Variants in UBE2R2 observed in about 807,000 individuals in gnomAD.
The protein encoded by UBE2R2 is ubiquitin conjugating enzyme E2 R2.
Under a neutral mutation model 27.8 loss-of-function variants are expected in UBE2R2, and 1 was observed. The observed-to-expected ratio is 0.04, with a 90% CI of 0.01 to 0.17. UBE2R2 has a LOEUF of 0.17. Ranked by LOEUF, UBE2R2 falls within the 10% of genes least tolerant of loss-of-function variation. The pLI is 1.00. For missense variants in UBE2R2, 100 were observed against 291.0 expected, an observed-to-expected ratio of 0.34 and a Z score of 4.78; for synonymous variants, 106 against 113.3, an observed-to-expected ratio of 0.94 and a Z score of 0.41.
upstream of UBE2R2, among the ~76,000 whole-genome samples, chr9:33,817,048 G>C (rs991926697): frequency 4.6e-5 from 7 of 151,980 alleles, no homozygotes; most frequent in Non-Finnish European, 8.8e-5. Context: ...AGGCACGGTG[G>C]GGGGAGGGGA....
intron 1 of UBE2R2, among the ~76,000 whole-genome samples, chr9:33,867,719 C>G (rs920191245): frequency 6.6e-6 from 1 of 152,234 alleles, no homozygotes; most frequent in Non-Finnish European, 1.5e-5. Flanking sequence ...ACTGCAAGCT[C>G]TGCTTCCTGG....
intron 1 of UBE2R2, among the ~76,000 whole-genome samples, chr9:33,846,586 T>C (rs1214850152): frequency 6.6e-6 from 1 of 152,222 alleles, no homozygotes; most frequent in Non-Finnish European, 1.5e-5. Context: ...CAGCATTATG[T>C]GTGGCTCTCA....
intron 1 of UBE2R2, among the ~76,000 whole-genome samples, chr9:33,876,069 T>G (rs1821596446): frequency 6.6e-6 from 1 of 152,174 alleles, no homozygotes; most frequent in Non-Finnish European, 1.5e-5. Flanking sequence ...TATGTTTAAA[T>G]TTTTAATAAG....
rs1821917208 is a variant in UBE2R2 at position 33,888,675 on chromosome 9, C to T, written c.264+1708C>T. ...GGGACTACAGGTGTGCACGACCACA[C>T]CTGGCTAATTTTTGTATTTTTAGCA... On this transcript the variant is annotated intron_variant, in intron 2 of 4. Transcript: ENST00000263228. 2.0e-5 allele frequency among the ~76,000 whole-genome samples: 3 copies of T among 152,246 alleles called. No homozygotes were observed. The South Asian group carries it at 6.2e-4, about 32-fold the overall frequency.
chr9:33,910,959 C>T (rs961808777), intron 3 of UBE2R2, among the ~76,000 whole-genome samples: 5 of 152,048 alleles, frequency 3.3e-5, no homozygotes, highest in Admixed American at 1.3e-4. Flanking sequence ...AAAAATTAGC[C>T]AGGCGTGGTA....
At chr9:33,830,217 G>C (rs1339655889) in intron 1 of UBE2R2, among the ~76,000 whole-genome samples, 2 of 138,142 alleles carry the variant, frequency 1.4e-5, no homozygotes, top group East Asian at 4.3e-4. Flanking sequence ...GAGTGCAGTT[G>C]CGTGACCTCA....
chr9:33,899,969 A>AG (rs1423466409), intron 2 of UBE2R2, among the ~76,000 whole-genome samples: 1 of 152,228 alleles, frequency 6.6e-6, no homozygotes, highest in Middle Eastern at 3.2e-3. Flanking sequence ...TTCTCACTAG[A>AG]AAATATACCT....
At position 33,865,972 on chromosome 9, in the gene UBE2R2, C is replaced by T. The variant is rs148594561; in HGVS notation, c.178-20909C>T. On this transcript the variant is annotated intron_variant, in intron 1 of 4. Transcript: ENST00000263228. ...TCAGCCTCCTGAGTAGCTAGGATTACGGGTGCCCACCACCACACTCGGCTA... is the reference window on the plus strand; with the variant it reads ...TCAGCCTCCTGAGTAGCTAGGATTATGGGTGCCCACCACCACACTCGGCTA... Among the ~76,000 whole-genome samples, 88 of 151,730 alleles carry T rather than the reference C, an allele frequency of 5.8e-4. 1 individual carries two copies. Among genetic ancestry groups the T allele is most frequent in the African/African-American group, 1.9e-3 (78 of 41,372 alleles).
At chr9:33,816,459 A>G (rs1347886954), upstream of UBE2R2, among the ~76,000 whole-genome samples, 1 of 152,190 alleles carries the variant, frequency 6.6e-6, no homozygotes, top group East Asian at 1.9e-4. Context: ...CCCAAATCAC[A>G]ATGAGAAGGG....
At chr9:33,916,956 A>G (rs943340256) in intron 4 of UBE2R2, 62 bp from the exon 5 acceptor site, 50 of 1,587,750 alleles carry the variant, frequency 3.1e-5, no homozygotes, top group Non-Finnish European at 3.9e-5. Flanking sequence ...TTTAAGGCCA[A>G]TTATAAATCT....
At chr9:33,826,453 C>T (rs1587425085) in intron 1 of UBE2R2, among the ~76,000 whole-genome samples, 2 of 152,030 alleles carry the variant, frequency 1.3e-5, no homozygotes, top group Admixed American at 6.6e-5. Context: ...AACCCCAGCA[C>T]TTTGGGAGGC....
At chr9:33,893,571 G>C (rs1419978229) in intron 2 of UBE2R2, among the ~76,000 whole-genome samples, 1 of 152,096 alleles carries the variant, frequency 6.6e-6, no homozygotes, top group African/African-American at 2.4e-5. Flanking sequence ...CAGTTCTTTG[G>C]GTTACATACC....
chr9:33,897,495 T>G (rs1477325012), intron 2 of UBE2R2, among the ~76,000 whole-genome samples: 2 of 151,438 alleles, frequency 1.3e-5, no homozygotes, highest in Admixed American at 6.6e-5. Flanking sequence ...TTTTTGTATT[T>G]TTAGTAGAGA....
intron 1 of UBE2R2, among the ~76,000 whole-genome samples, chr9:33,833,984 T>G (rs1051356753): frequency 2.6e-5 from 4 of 152,224 alleles, no homozygotes; most frequent in Admixed American, 6.6e-5. Context: ...TTCATCCCTT[T>G]TAATGGCTGA....
chr9:33,907,124 T>C (rs1242832911), intron 3 of UBE2R2, among the ~76,000 whole-genome samples: 1 of 152,254 alleles, frequency 6.6e-6, no homozygotes, highest in African/African-American at 2.4e-5. Context: ...GATGTGTTGG[T>C]CTTCATTTTC....
At chr9:33,891,369 G>A (rs1233451267) in intron 2 of UBE2R2, among the ~76,000 whole-genome samples, 3 of 151,794 alleles carry the variant, frequency 2.0e-5, no homozygotes, top group African/African-American at 7.2e-5. Context: ...GGTGTGGTCA[G>A]GTGTGGTGGC....
At chr9:33,831,064 A>G (rs1185722728) in intron 1 of UBE2R2, 1 of 137,940 alleles carries the variant, frequency 7.2e-6, no homozygotes, top group Non-Finnish European at 1.5e-5. Context: ...CCTCTGTTTC[A>G]CTGAACTAGC....
upstream of UBE2R2, among the ~76,000 whole-genome samples, chr9:33,816,238 C>T (rs1241602384): frequency 2.0e-5 from 3 of 152,238 alleles, no homozygotes; most frequent in Non-Finnish European, 4.4e-5. Context: ...TAGGACATGC[C>T]TTCCTAGGAG....
intron 1 of UBE2R2, among the ~76,000 whole-genome samples, chr9:33,865,903 C>T (rs562902035): frequency 6.6e-6 from 1 of 150,670 alleles, no homozygotes; most frequent in South Asian, 2.1e-4. Context: ...GTGATGTCGG[C>T]TCACTGTAAC....
Sources: allele counts gnomAD v4.1 joint callset (sites outside exome capture counted in the v4.1 genomes callset), GRCh38; gene constraint gnomAD v4.1.1; transcripts MANE v1.5; gene names NCBI Gene and HGNC (gene_info 2026-07-23, HGNC 2026-07-21).